Variants in DNAH17 observed in about 807,000 individuals in gnomAD.
DNAH17 encodes the protein axonemal beta dynein heavy chain 17.
Under a neutral mutation model 485.6 loss-of-function variants are expected in DNAH17, and 376 were observed. That is an observed-to-expected ratio of 0.77 (90% CI 0.71 to 0.84). The LOEUF is 0.84. Ranked by LOEUF, DNAH17 falls within the 40% of genes least tolerant of loss-of-function variation. DNAH17 has a pLI of 0.00. For missense variants in DNAH17, 6,370 were observed against 5,839.3 expected (o/e 1.09, Z -2.96); for synonymous variants, 3,031 against 2,405.9 (o/e 1.26, Z -7.60).
At chr17:78,477,853 G>A (rs902577523) in intron 51 of DNAH17, among the ~76,000 whole-genome samples, 1 of 152,014 alleles carries the variant, frequency 6.6e-6, no homozygotes, top group African/African-American at 2.4e-5. Flanking sequence ...CAGTAAATGA[G>A]AGGAAATATT....
At chr17:78,430,698 A>C (rs1401102196) in intron 75 of DNAH17, among the ~76,000 whole-genome samples, 1 of 151,938 alleles carries the variant, frequency 6.6e-6, no homozygotes, top group East Asian at 1.9e-4. Flanking sequence ...CTCCTGCCTC[A>C]GCCTTCTGAG....
intron 75 of DNAH17, among the ~76,000 whole-genome samples, chr17:78,431,394 T>TC (rs1036231400): frequency 6.0e-5 from 9 of 149,992 alleles, no homozygotes; most frequent in Non-Finnish European, 7.4e-5. Flanking sequence ...GAGGGTTGCT[T>TC]CCCGCAGGGG....
chr17:78,426,495 G>A lies in DNAH17; in HGVS notation c.12877C>T (p.Leu4293=). ...AGCAGGTCTGCGTACCAGGCCGCCAGGCCCATCATGGAGGGGTAGGCCCGG... is the reference window on the plus strand; with the variant it reads ...AGCAGGTCTGCGTACCAGGCCGCCAAGCCCATCATGGAGGGGTAGGCCCGG... ...VARAYPSMMG[L]AAWYADLLLR... Residue 4293 remains leucine, a synonymous_variant, in exon 79 of 81, where the codon CTG becomes TTG. Coordinates refer to ENST00000389840, the MANE Select transcript of DNAH17 (RefSeq NM_173628.4). 6.2e-7 allele frequency: 1 copy of A among 1,612,952 alleles called. No homozygotes were observed. Among genetic ancestry groups the A allele is most frequent in the Admixed American group, 1.7e-5 (1 of 59,838 alleles).
At chr17:78,436,148 C>T (rs550193466) in intron 74 of DNAH17, among the ~76,000 whole-genome samples, 16 of 152,290 alleles carry the variant, frequency 1.1e-4, no homozygotes, top group East Asian at 7.7e-4. Flanking sequence ...GGGTGTTGGC[C>T]GGGCGTGGTG....
chr17:78,542,125 CA>C (rs1312361557), intron 17 of DNAH17, among the ~76,000 whole-genome samples: 3 of 148,186 alleles, frequency 2.0e-5, no homozygotes, highest in Admixed American at 1.4e-4. Flanking sequence ...CCGCCCCCCC[CA>C]AAAACTGCCC....
chr17:78,577,176 G>C (rs910402332), intron 1 of DNAH17, 119 bp downstream of exon 1: 1 of 152,378 alleles, frequency 6.6e-6, no homozygotes, highest in African/African-American at 2.4e-5. Flanking sequence ...AGCCACTTCT[G>C]GGGTAAGTGG....
rs769731759 is a variant in DNAH17 at position 78,485,516 on chromosome 17, C to G, written c.7483+34G>C. The G allele has an allele frequency of 5.2e-6, 8 of 1,528,612 alleles. No individual in the cohort carries two copies. In the South Asian group the frequency reaches 8.7e-5, roughly 17 times the overall value. 94.7% of individuals were successfully genotyped at this position (1,528,612 alleles called of 1,614,324 possible). A position where few individuals can be genotyped will look rare whatever the true frequency, so the allele number is the denominator to read the frequency against. On this transcript the variant is annotated intron_variant, in intron 47 of 80. Transcript: ENST00000389840. ...GGGAACGGGGACTGGCGGGGGGCAG[C>G]CGGGTAGGCAGGGCGTGGCCGGACC...
intron 60 of DNAH17, 80 bp downstream of exon 60, chr17:78,459,704 A>G (rs2087998834): frequency 1.3e-6 from 2 of 1,522,978 alleles, no homozygotes; most frequent in Non-Finnish European, 1.8e-6. Context: ...GCCTGAGGCC[A>G]TGCTTCACCT....
chr17:78,462,747 C>T, intron 57 of DNAH17, 97 bp downstream of exon 57: 2 of 1,221,174 alleles, frequency 1.6e-6, no homozygotes, highest in South Asian at 1.4e-5. Flanking sequence ...GTGCTGAGCC[C>T]CAGTGTGACC....
chr17:78,441,414 G>GC (rs2087071576), intron 71 of DNAH17, among the ~76,000 whole-genome samples: 1 of 152,168 alleles, frequency 6.6e-6, no homozygotes, highest in Non-Finnish European at 1.5e-5. Context: ...TTCCCGAGGG[G>GC]CCCCGCACTG....
intron 25 of DNAH17, among the ~76,000 whole-genome samples, chr17:78,515,823 C>G (rs889826132): frequency 7.2e-5 from 11 of 152,260 alleles, no homozygotes; most frequent in African/African-American, 2.7e-4. Flanking sequence ...GAGAAATACA[C>G]TTTTGTTCAG....
intron 62 of DNAH17, among the ~76,000 whole-genome samples, chr17:78,457,343 C>T (rs1244370478): frequency 6.6e-6 from 1 of 152,030 alleles, no homozygotes. Flanking sequence ...TGTACTGCAG[C>T]CTGGGTGACG....
intron 60 of DNAH17, 118 bp from the exon 61 acceptor site, chr17:78,459,326 TCACA>T (rs1041352514): frequency 2.0e-6 from 2 of 980,624 alleles, no homozygotes; most frequent in Non-Finnish European, 3.2e-6. Flanking sequence ...GCGCTGGGAT[TCACA>T]CAGTCAGGCT....
rs766856697 is a variant in DNAH17 at position 78,571,386 on chromosome 17, G to A, written c.733-8C>T. The A allele has an allele frequency of 2.5e-6, 4 of 1,606,752 alleles. No homozygotes were observed. The highest frequency in any genetic ancestry group is 2.7e-5 in the African/African-American group (2 of 74,862). On this transcript the variant is annotated splice_region_variant and splice_polypyrimidine_tract_variant and intron_variant, in intron 4 of 80. Transcript: ENST00000389840. ...CACTTTGGGTCTGTTTAGCTGAGAA[G>A]GGGAGTGAAGATCCACCTTTCATTG...
chr17:78,449,298 T>A, intron 69 of DNAH17, 116 bp downstream of exon 69: 1 of 1,111,958 alleles, frequency 9.0e-7, no homozygotes, highest in South Asian at 1.6e-5. Flanking sequence ...AAATGCGGGT[T>A]TGAAATCACC....
intron 16 of DNAH17, among the ~76,000 whole-genome samples, chr17:78,545,946 A>G (rs1428607586): frequency 2.0e-5 from 3 of 151,022 alleles, no homozygotes; most frequent in African/African-American, 7.3e-5. Context: ...GGATGTATAT[A>G]TGTCTGTGAA....
chr17:78,536,456 T>TA (rs1317931291), intron 19 of DNAH17, among the ~76,000 whole-genome samples: 5 of 147,392 alleles, frequency 3.4e-5, no homozygotes, highest in Non-Finnish European at 6.0e-5. Flanking sequence ...TCTCAAAAAA[T>TA]AAAAAAATTA....
At chr17:78,444,922 G>C (rs980587515) in intron 70 of DNAH17, 125 bp from the exon 71 acceptor site, 10 of 985,588 alleles carry the variant, frequency 1.0e-5, no homozygotes, top group Non-Finnish European at 1.4e-5. Context: ...TCTGGGATAA[G>C]GAAGCCCGAG....
chr17:78,463,077 A>G lies in DNAH17; in HGVS notation c.8941T>C (p.Trp2981Arg), dbSNP rs2088221598. ...AAGCTGATGGAGGCCTTGACTTCCCACTACAAAGATGAGACAGCCAGTCAT... is the reference window on the plus strand; with the variant it reads ...AAGCTGATGGAGGCCTTGACTTCCCGCTACAAAGATGAGACAGCCAGTCAT... ...RFLEETEGIP[W>R]EVKASISFFM... Residue 2981 changes from tryptophan to arginine, a missense_variant and splice_region_variant, in exon 57 of 81, where the codon TGG becomes CGG. Transcript: ENST00000389840. 6.2e-7 allele frequency: 1 copy of G among 1,613,514 alleles called. No homozygotes were observed. Among genetic ancestry groups the G allele is most frequent in the East Asian group, 2.2e-5 (1 of 44,890 alleles).
Sources: allele counts gnomAD v4.1 joint callset (sites outside exome capture counted in the v4.1 genomes callset), GRCh38; gene constraint gnomAD v4.1.1; transcripts MANE v1.5; gene names NCBI Gene and HGNC (gene_info 2026-07-23, HGNC 2026-07-21).